NRXN1: variants seen among roughly 807,000 people sequenced by gnomAD.
NRXN1 encodes the protein neurexin 1.
Under a neutral mutation model 150.9 loss-of-function variants are expected in NRXN1, and 39 were observed. The ratio of observed to expected loss-of-function variants is 0.26; its 90% CI spans 0.20 to 0.34. The LOEUF (loss-of-function observed/expected upper bound fraction) is 0.34. Ranked by LOEUF, NRXN1 falls within the 10% of genes least tolerant of loss-of-function variation. NRXN1 has a pLI of 1.00. For missense variants in NRXN1, 1,815 were observed against 1,949.9 expected, an observed-to-expected ratio of 0.93 and a Z score of 1.30; for synonymous variants, 924 against 757.0, an observed-to-expected ratio of 1.22 and a Z score of -3.62.
At chr2:50,853,721 T>C (rs1435645668) in intron 5 of NRXN1, among the ~76,000 whole-genome samples, 2 of 152,084 alleles carry the variant, frequency 1.3e-5, no homozygotes, top group African/African-American at 4.8e-5. Context: ...GATAAATTGC[T>C]AAAAGAGGTT....
intron 2 of NRXN1, among the ~76,000 whole-genome samples, chr2:50,934,369 T>C (rs1006772267): frequency 2.0e-5 from 3 of 152,202 alleles, no homozygotes; most frequent in African/African-American, 7.2e-5. Flanking sequence ...ATTAAATAAA[T>C]TATAAACTTC....
chr2:50,320,921 C>T lies in NRXN1; in HGVS notation c.3365-83951G>A, dbSNP rs547539573. On this transcript the variant is annotated intron_variant, in intron 17 of 22. Transcript: ENST00000401669. ...CCTCTGATAATTTGCTGGCAGCACACACCTTCTGTCATGCCAAATTACTGC... is the reference window on the plus strand; with the variant it reads ...CCTCTGATAATTTGCTGGCAGCACATACCTTCTGTCATGCCAAATTACTGC... Among the ~76,000 whole-genome samples, 9 of 152,286 alleles carry T rather than the reference C, an allele frequency of 5.9e-5. No individual in the cohort carries two copies. In the South Asian group the frequency reaches 1.5e-3, roughly 25 times the overall value.
chr2:50,942,370 A>C (rs556407170), intron 2 of NRXN1, among the ~76,000 whole-genome samples: 8 of 152,260 alleles, frequency 5.3e-5, no homozygotes, highest in African/African-American at 1.9e-4. Flanking sequence ...GAGTTGTGAG[A>C]AGGCAGCTAC....
In NRXN1 at chr2:50,181,723, G is replaced by A. The variant is rs543381475; in HGVS notation, c.3546+55066C>T. Among the ~76,000 whole-genome samples the A allele has an allele frequency of 5.9e-5, 9 of 152,008 alleles. No individual in the cohort carries two copies. In the East Asian group the frequency reaches 1.6e-3, roughly 26 times the overall value. ...TTTTGTTTACTTGAATGAGAATAAT[G>A]GATAAGAAAAACATTTTCAATAAGG... On this transcript the variant is annotated intron_variant, in intron 18 of 22. Transcript: ENST00000401669.
At position 50,444,939 on chromosome 2, in the gene NRXN1, T is replaced by C. The variant is rs116280043; in HGVS notation, c.3364+20503A>G. 9.5e-3 allele frequency among the ~76,000 whole-genome samples: 1,454 copies of C among 152,272 alleles called. 6 individuals carry two copies. Among genetic ancestry groups the C allele is most frequent in the Non-Finnish European group, 0.014 (956 of 68,020 alleles). Reference sequence around the variant, plus strand: ...TTATCTTGATTACTGAGCTTTTTGGTTCCCCCTTAAATTTAACACTCAGGC... The same window carrying C: ...TTATCTTGATTACTGAGCTTTTTGGCTCCCCCTTAAATTTAACACTCAGGC... On this transcript the variant is annotated intron_variant, in intron 17 of 22. Coordinates refer to ENST00000401669, the MANE Select transcript of NRXN1 (RefSeq NM_001330078.2).
chr2:50,684,154 A>C (rs1460946584), intron 5 of NRXN1, among the ~76,000 whole-genome samples: 1 of 152,202 alleles, frequency 6.6e-6, no homozygotes, highest in Non-Finnish European at 1.5e-5. Flanking sequence ...TATTATTTAT[A>C]ATTGTAATTT....
At chr2:50,463,640 C>T (rs1379761658) in intron 17 of NRXN1, among the ~76,000 whole-genome samples, 1 of 151,750 alleles carries the variant, frequency 6.6e-6, no homozygotes, top group Non-Finnish European at 1.5e-5. Flanking sequence ...TCGAAGACAG[C>T]ATGATACTTA....
At chr2:50,335,781 C>T (rs1458569916) in intron 17 of NRXN1, among the ~76,000 whole-genome samples, 1 of 152,134 alleles carries the variant, frequency 6.6e-6, no homozygotes, top group African/African-American at 2.4e-5. Flanking sequence ...AATTTCAACC[C>T]TTTGTCTTTT....
chr2:50,545,145 G>T (rs2093466980), intron 9 of NRXN1, among the ~76,000 whole-genome samples: 1 of 152,114 alleles, frequency 6.6e-6, no homozygotes, highest in South Asian at 2.1e-4. Context: ...ATGGTAAGGG[G>T]AAACGCTTCA....
chr2:50,099,328 C>G (rs1181595167), intron 18 of NRXN1, among the ~76,000 whole-genome samples: 1 of 150,592 alleles, frequency 6.6e-6, no homozygotes, highest in Non-Finnish European at 1.5e-5. Context: ...CCTTTCTTTA[C>G]TTTTGCAAAT....
chr2:50,901,523 C>T (rs779962083), intron 5 of NRXN1, among the ~76,000 whole-genome samples: 10 of 151,898 alleles, frequency 6.6e-5, no homozygotes, highest in African/African-American at 1.5e-4. Flanking sequence ...GGTGACAGAG[C>T]GAGACTCCGT....
At chr2:50,151,875 C>T (rs1157957177) in intron 18 of NRXN1, among the ~76,000 whole-genome samples, 1 of 151,200 alleles carries the variant, frequency 6.6e-6, no homozygotes, top group Non-Finnish European at 1.5e-5. Context: ...ATAAAGCAAA[C>T]AAAAATAGAA....
intron 8 of NRXN1, among the ~76,000 whole-genome samples, chr2:50,581,056 T>A (rs953745851): frequency 6.6e-6 from 1 of 152,134 alleles, no homozygotes; most frequent in African/African-American, 2.4e-5. Context: ...ATCAACAGAA[T>A]TATGAGTTTT....
intron 17 of NRXN1, among the ~76,000 whole-genome samples, chr2:50,304,994 G>A (rs979285580): frequency 3.3e-5 from 5 of 152,132 alleles, no homozygotes; most frequent in African/African-American, 1.2e-4. Flanking sequence ...GGAGGCTCAG[G>A]CAGGGGAATT....
chr2:50,529,154 G>A (rs1339010947), intron 11 of NRXN1, among the ~76,000 whole-genome samples: 2 of 152,160 alleles, frequency 1.3e-5, no homozygotes, highest in Non-Finnish European at 2.9e-5. Context: ...TTACCCTAAG[G>A]GTTTTTGTTT....
chr2:50,126,755 A>G (rs956082948), intron 18 of NRXN1, among the ~76,000 whole-genome samples: 1 of 152,106 alleles, frequency 6.6e-6, no homozygotes, highest in African/African-American at 2.4e-5. Context: ...TGCATAGAAA[A>G]ACCCCTAGAT....
chr2:50,700,963 G>T (rs1376002529), intron 5 of NRXN1, among the ~76,000 whole-genome samples: 1 of 152,062 alleles, frequency 6.6e-6, no homozygotes, highest in Non-Finnish European at 1.5e-5. Context: ...ACTGCGCCCG[G>T]CCAGGGATCA....
chr2:50,918,046 C>G (rs562298400), intron 5 of NRXN1: 2 of 151,674 alleles, frequency 1.3e-5, no homozygotes, highest in African/African-American at 2.4e-5. Context: ...CAGGTCTTAA[C>G]AATTACAATT....
At chr2:50,921,934 TA>T in intron 4 of NRXN1, 54 bp from the exon 5 acceptor site, 1 of 1,133,676 alleles carries the variant, frequency 8.8e-7, no homozygotes, top group Non-Finnish European at 1.2e-6. Context: ...ACAAAGAGGA[TA>T]AAGAGGAGAA....
Sources: gnomAD v4.1 joint callset for allele counts (sites outside exome capture counted in the v4.1 genomes callset) on GRCh38, gnomAD v4.1.1 for gene constraint, MANE v1.5 for transcripts, NCBI Gene and HGNC (gene_info 2026-07-23, HGNC 2026-07-21) for gene names.